DLG2: variants seen among roughly 807,000 people sequenced by gnomAD.
The protein encoded by DLG2 is disks large homolog 2.
Under a neutral mutation model 132.5 loss-of-function variants are expected in DLG2, and 45 were observed. The ratio of observed to expected loss-of-function variants is 0.34; its 90% CI spans 0.27 to 0.44. The LOEUF (loss-of-function observed/expected upper bound fraction) is 0.44. Ranked by LOEUF, DLG2 falls within the 20% of genes least tolerant of loss-of-function variation. DLG2 has a pLI of 1.00. For missense variants in DLG2, 1,045 were observed against 1,196.9 expected (o/e 0.87, Z 1.87); for synonymous variants, 424 against 419.6 (o/e 1.01, Z -0.13).
chr11:85,571,934 T>C (rs2077865268), intron 3 of DLG2, among the ~76,000 whole-genome samples: 1 of 152,170 alleles, frequency 6.6e-6, no homozygotes, highest in African/African-American at 2.4e-5. Context: ...TTTTAATAGA[T>C]ATACCCGTAG....
intron 7 of DLG2, among the ~76,000 whole-genome samples, chr11:84,280,930 C>A (rs1413681062): frequency 8.1e-6 from 1 of 123,802 alleles, no homozygotes; most frequent in Non-Finnish European, 1.6e-5. Context: ...ACTGTGTTAG[C>A]CAGGATGGTC....
chr11:85,206,027 T>A (rs956533327), intron 4 of DLG2, among the ~76,000 whole-genome samples: 1 of 152,042 alleles, frequency 6.6e-6, no homozygotes, highest in African/African-American at 2.4e-5. Flanking sequence ...TGGGGACGGG[T>A]GGGAGGTGAT....
At chr11:84,375,011 G>T (rs10792756) in intron 7 of DLG2, among the ~76,000 whole-genome samples, 1 of 151,942 alleles carries the variant, frequency 6.6e-6, no homozygotes, top group Non-Finnish European at 1.5e-5. Context: ...CTATTGCCCA[G>T]TTTCTCCAGC....
At chr11:84,991,523 A>AAGAAAG (rs1555331854) in intron 6 of DLG2, among the ~76,000 whole-genome samples, 4 of 116,332 alleles carry the variant, frequency 3.4e-5, no homozygotes, top group Non-Finnish European at 6.7e-5. Context: ...AAAAAAAAAA[A>AAGAAAG]AAAGAAAGAA....
At chr11:85,134,454 G>A (rs531544159) in intron 5 of DLG2, among the ~76,000 whole-genome samples, 97 of 145,394 alleles carry the variant, frequency 6.7e-4, no homozygotes, top group African/African-American at 2.2e-3. Flanking sequence ...GCGTGAACCC[G>A]GGAGGCGGAG....
At chr11:83,475,740 CTCTT>C (rs997046823) in intron 22 of DLG2, among the ~76,000 whole-genome samples, 28 of 151,104 alleles carry the variant, frequency 1.9e-4, no homozygotes, top group African/African-American at 3.2e-4. Flanking sequence ...TCTTTTCTCT[CTCTT>C]TCTTTCTTTG....
chr11:83,844,158 C>A (rs76144509), intron 16 of DLG2, among the ~76,000 whole-genome samples: 8,240 of 151,850 alleles, frequency 0.054, 302 homozygotes, highest in South Asian at 0.13. Flanking sequence ...GAGGCTACAC[C>A]CCAAACAAAA....
chr11:84,197,098 A>G (rs569521010), intron 8 of DLG2, among the ~76,000 whole-genome samples: 71 of 151,724 alleles, frequency 4.7e-4, no homozygotes, highest in African/African-American at 1.7e-3. Flanking sequence ...AATTGAAATA[A>G]TGATCATTCC....
At chr11:84,081,778 T>C (rs933664939) in intron 10 of DLG2, among the ~76,000 whole-genome samples, 8 of 152,224 alleles carry the variant, frequency 5.3e-5, no homozygotes, top group African/African-American at 1.7e-4. Flanking sequence ...GCAATAAACA[T>C]ACGTGTGCAT....
intron 16 of DLG2, among the ~76,000 whole-genome samples, chr11:83,851,413 T>G (rs1415229321): frequency 6.7e-6 from 1 of 150,120 alleles, no homozygotes; most frequent in Non-Finnish European, 1.5e-5. Flanking sequence ...TCACCTGAGG[T>G]CGGGAGTTCG....
intron 3 of DLG2, among the ~76,000 whole-genome samples, chr11:85,497,625 G>T (rs1383636663): frequency 5.9e-5 from 9 of 152,026 alleles, no homozygotes; most frequent in Non-Finnish European, 1.2e-4. Context: ...ACACAAAATT[G>T]TCAATTTCAC....
At chr11:84,117,012 T>C (rs138357752) in intron 9 of DLG2, among the ~76,000 whole-genome samples, 119 of 152,340 alleles carry the variant, frequency 7.8e-4, no homozygotes, top group Middle Eastern at 3.4e-3. Context: ...TTTGTAAATA[T>C]ATGGTCCTGA....
At chr11:85,420,300 C>G (rs2090187979) in intron 3 of DLG2, among the ~76,000 whole-genome samples, 1 of 152,192 alleles carries the variant, frequency 6.6e-6, no homozygotes, top group Non-Finnish European at 1.5e-5. Flanking sequence ...GTTCCTTCCT[C>G]TGGAAGCTTC....
intron 14 of DLG2, among the ~76,000 whole-genome samples, chr11:83,953,170 T>C (rs1007121853): frequency 6.6e-5 from 10 of 152,334 alleles, no homozygotes; most frequent in Non-Finnish European, 1.5e-4. Context: ...GCAATGATTG[T>C]ATCTCACAAT....
Position 83,969,326 on chromosome 11 carries a change from T to C in DLG2, c.1057-3858A>G, listed in dbSNP as rs1027774455. Among the ~76,000 whole-genome samples the C allele has an allele frequency of 9.2e-5, 14 of 152,260 alleles. No homozygotes were observed. The East Asian group carries it at 2.7e-3, about 29-fold the overall frequency. On this transcript the variant is annotated intron_variant, in intron 12 of 27. Transcript: ENST00000376104. ...CAGGGTTTCTTTCCGAGTTTACATA[T>C]AAAAGTAGAATAAATTCCAAAGTAT...
chr11:84,411,746 C>G (rs1032409756), intron 7 of DLG2, among the ~76,000 whole-genome samples: 1 of 152,198 alleles, frequency 6.6e-6, no homozygotes. Context: ...TAGTATTACA[C>G]AACACATAGT....
chr11:85,363,999 TAGA>T (rs1340604935), intron 3 of DLG2, among the ~76,000 whole-genome samples: 2 of 152,176 alleles, frequency 1.3e-5, no homozygotes, highest in African/African-American at 4.8e-5. Flanking sequence ...CTATTATTAA[TAGA>T]AGATTTGTCA....
chr11:84,128,185 GGAA>G (rs766972478), intron 9 of DLG2, among the ~76,000 whole-genome samples: 4 of 152,102 alleles, frequency 2.6e-5, no homozygotes, highest in Non-Finnish European at 5.9e-5. Flanking sequence ...TGGATAAGTA[GGAA>G]GAAGGTGTGA....
At position 85,602,567 on chromosome 11, in the gene DLG2, T is replaced by C. The variant is rs375082190; in HGVS notation, c.-92-3779A>G. On this transcript the variant is annotated intron_variant, in intron 2 of 27. Transcript: ENST00000376104. ...CATTTTTTGAATTCTGATTTTTTTG[T>C]AGAGATGAGGTCTCACTATGTTGCC... is the stretch of plus-strand genomic sequence containing the variant. 1.4e-3 allele frequency among the ~76,000 whole-genome samples: 211 copies of C among 152,264 alleles called. 2 individuals carry two copies. Among genetic ancestry groups the C allele is most frequent in the Non-Finnish European group, 2.0e-3 (138 of 68,026 alleles).
Sources: gnomAD v4.1 joint callset for allele counts (sites outside exome capture counted in the v4.1 genomes callset) on GRCh38, gnomAD v4.1.1 for gene constraint, MANE v1.5 for transcripts, NCBI Gene and HGNC (gene_info 2026-07-23, HGNC 2026-07-21) for gene names.